The following CDH13 variants were observed in gnomAD, a reference collection of about 807,000 sequenced individuals.
CDH13 encodes the protein cadherin 13.
A neutral mutation model predicts 63.8 loss-of-function variants in CDH13; 24 were observed. That is an observed-to-expected ratio of 0.38 (90% CI 0.27 to 0.53). The LOEUF (loss-of-function observed/expected upper bound fraction) is 0.53. Among genes scored for constraint, CDH13 ranks in the 20% least tolerant of loss-of-function variants. The pLI, the probability that CDH13 is intolerant of heterozygous loss-of-function variation, is 0.85. For missense variants in CDH13, 1,049 were observed against 903.1 expected (o/e 1.16, Z -2.07); for synonymous variants, 503 against 355.3 (o/e 1.42, Z -4.67).
intron 6 of CDH13, among the ~76,000 whole-genome samples, chr16:83,469,196 G>T (rs545168565): frequency 4.6e-5 from 7 of 152,154 alleles, no homozygotes; most frequent in Admixed American, 4.6e-4. Context: ...TCAACTCAGT[G>T]TTTTTTCAGC....
chr16:83,546,569 C>T (rs940878293), intron 7 of CDH13, among the ~76,000 whole-genome samples: 1 of 151,784 alleles, frequency 6.6e-6, no homozygotes, highest in African/African-American at 2.4e-5. Context: ...TTGGGATTGG[C>T]GCCATGATCG....
At chr16:83,040,712 G>A (rs1156503472) in intron 3 of CDH13, among the ~76,000 whole-genome samples, 2 of 152,210 alleles carry the variant, frequency 1.3e-5, no homozygotes, top group Middle Eastern at 3.4e-3. Context: ...AGAAACACCG[G>A]GGAACAATAT....
intron 5 of CDH13, among the ~76,000 whole-genome samples, chr16:83,260,672 T>C (rs1199238841): frequency 2.6e-5 from 4 of 152,088 alleles, no homozygotes; most frequent in African/African-American, 9.7e-5. Flanking sequence ...AAGAGAAAAA[T>C]GCAAAGTTGG....
At chr16:82,873,080 T>A (rs1165871356) in intron 2 of CDH13, among the ~76,000 whole-genome samples, 5 of 152,102 alleles carry the variant, frequency 3.3e-5, no homozygotes, top group African/African-American at 9.6e-5. Context: ...GAAGAATGGG[T>A]GGTCAAAGAA....
At chr16:83,036,574 C>G (rs1043871774) in intron 3 of CDH13, among the ~76,000 whole-genome samples, 1 of 152,120 alleles carries the variant, frequency 6.6e-6, no homozygotes, top group Non-Finnish European at 1.5e-5. Context: ...ACCCAGAATG[C>G]CAGATTGTCA....
intron 7 of CDH13, among the ~76,000 whole-genome samples, chr16:83,598,224 G>T (rs1009175476): frequency 9.9e-5 from 15 of 152,250 alleles, no homozygotes; most frequent in Admixed American, 3.3e-4. Context: ...AATTAGCTGG[G>T]TGTGGTGGCG....
chr16:83,267,034 A>C (rs1004204864), intron 5 of CDH13, among the ~76,000 whole-genome samples: 2 of 152,198 alleles, frequency 1.3e-5, no homozygotes, highest in African/African-American at 4.8e-5. Context: ...GTCATCTGCC[A>C]GTATTCTCAG....
chr16:83,104,693 T>A (rs1470576568), intron 3 of CDH13, among the ~76,000 whole-genome samples: 1 of 152,190 alleles, frequency 6.6e-6, no homozygotes, highest in African/African-American at 2.4e-5. Flanking sequence ...CCGAATAATG[T>A]TGAATTTCAG....
intron 7 of CDH13, among the ~76,000 whole-genome samples, chr16:83,501,841 G>A (rs2074290898): frequency 6.6e-6 from 1 of 152,216 alleles, no homozygotes; most frequent in East Asian, 1.9e-4. Context: ...TCATTTCAGG[G>A]ATTTCTGTAT....
chr16:83,619,271 G>C (rs1479860421), intron 8 of CDH13, among the ~76,000 whole-genome samples: 1 of 152,166 alleles, frequency 6.6e-6, no homozygotes, highest in African/African-American at 2.4e-5. Context: ...AAGCATGGCT[G>C]GGGACAACCA....
chr16:82,978,844 C>T (rs2151382063), intron 2 of CDH13, among the ~76,000 whole-genome samples: 1 of 151,190 alleles, frequency 6.6e-6, no homozygotes, highest in South Asian at 2.1e-4. Flanking sequence ...AGAAGAGGGT[C>T]ACCATCCTCC....
At chr16:83,064,848 T>G (rs1486992678) in intron 3 of CDH13, among the ~76,000 whole-genome samples, 1 of 152,138 alleles carries the variant, frequency 6.6e-6, no homozygotes, top group Non-Finnish European at 1.5e-5. Context: ...TTACCTATCC[T>G]TTTTTTGCTG....
intron 1 of CDH13, among the ~76,000 whole-genome samples, chr16:82,803,194 T>C (rs1214281533): frequency 1.3e-5 from 2 of 152,236 alleles, no homozygotes; most frequent in Admixed American, 1.3e-4. Context: ...TTACCTACCA[T>C]GTCTTTGTAA....
At chr16:83,456,682 G>A (rs1313333267) in intron 6 of CDH13, among the ~76,000 whole-genome samples, 1 of 152,266 alleles carries the variant, frequency 6.6e-6, no homozygotes, top group Middle Eastern at 3.4e-3. Flanking sequence ...ACCCTAGGGG[G>A]CTGGGCGCAG....
At chr16:82,758,622 C>A (rs111790174) in intron 1 of CDH13, among the ~76,000 whole-genome samples, 1 of 152,138 alleles carries the variant, frequency 6.6e-6, no homozygotes, top group East Asian at 1.9e-4. Flanking sequence ...GGAGAGGTCA[C>A]GCGGCACAGA....
At chr16:83,098,403 T>C in intron 3 of CDH13, among the ~76,000 whole-genome samples, 1 of 152,148 alleles carries the variant, frequency 6.6e-6, no homozygotes, top group East Asian at 1.9e-4. Flanking sequence ...CTTCTAAACA[T>C]AGAAAAAGGC....
chr16:83,602,868 C>T (rs1490606047), intron 8 of CDH13, among the ~76,000 whole-genome samples: 1 of 152,166 alleles, frequency 6.6e-6, no homozygotes, highest in Non-Finnish European at 1.5e-5. Context: ...GTGCCATTTT[C>T]ATAGTTTTAT....
At chr16:83,291,537 G>A (rs565850826) in intron 5 of CDH13, among the ~76,000 whole-genome samples, 3 of 151,980 alleles carry the variant, frequency 2.0e-5, no homozygotes, top group South Asian at 4.2e-4. Context: ...TAGCATTTGC[G>A]TTTTCATATA....
At chr16:82,918,822 C>A (rs1430184377) in intron 2 of CDH13, among the ~76,000 whole-genome samples, 1 of 152,246 alleles carries the variant, frequency 6.6e-6, no homozygotes, top group South Asian at 2.1e-4. Flanking sequence ...CACACTGTAA[C>A]TTTTGATACA....
Sources: gnomAD v4.1 joint callset for allele counts (sites outside exome capture counted in the v4.1 genomes callset) on GRCh38, gnomAD v4.1.1 for gene constraint, MANE v1.5 for transcripts, NCBI Gene and HGNC (gene_info 2026-07-23, HGNC 2026-07-21) for gene names.